Variants in MYO15A observed in about 807,000 individuals in gnomAD.
MYO15A encodes the protein unconventional myosin-XV.
MYO15A carries 308 observed loss-of-function variants against 394.6 expected under a neutral mutation model. The observed-to-expected ratio is 0.78, with a 90% CI of 0.71 to 0.86. The LOEUF is 0.86. Ranked by LOEUF, MYO15A falls within the 40% of genes least tolerant of loss-of-function variation. The pLI is 0.00. For missense variants in MYO15A, 4,606 were observed against 4,799.1 expected (o/e 0.96, Z 1.19); for synonymous variants, 1,957 against 2,003.8 (o/e 0.98, Z 0.62).
At chr17:18,142,009 T>A in intron 23 of MYO15A, 70 bp from the exon 24 acceptor site, 6 of 1,580,908 alleles carry the variant, frequency 3.8e-6, no homozygotes, top group Non-Finnish European at 5.2e-6. Flanking sequence ...CACGGACTTC[T>A]AGAGAGGGAG....
At chr17:18,137,829 T>C (rs188577179) in intron 16 of MYO15A, 150 bp downstream of exon 16, 1 of 997,814 alleles carries the variant, frequency 1.0e-6, no homozygotes, top group Non-Finnish European at 1.5e-6. Flanking sequence ...GACCAGCCCA[T>C]GGGAAGGCCT....
chr17:18,163,682 C>A (rs1567661854), intron 59 of MYO15A, 60 bp from the exon 60 acceptor site: 3 of 1,496,918 alleles, frequency 2.0e-6, no homozygotes, highest in East Asian at 4.8e-5. Context: ...CTGAGTGGGG[C>A]CAGAAGGACA....
intron 13 of MYO15A, among the ~76,000 whole-genome samples, chr17:18,136,170 A>C (rs2046266025): frequency 6.6e-6 from 1 of 152,040 alleles, no homozygotes; most frequent in South Asian, 2.1e-4. Flanking sequence ...CTCCCTTCCC[A>C]GGGTTGATCT....
At position 18,120,641 on chromosome 17, in the gene MYO15A, T is replaced by C. The variant is rs919824263; in HGVS notation, c.1841T>C (p.Leu614Pro). 3.8e-6 allele frequency: 6 copies of C among 1,594,554 alleles called. No individual in the cohort carries two copies. The highest frequency in any genetic ancestry group is 1.3e-5 in the African/African-American group (1 of 74,510). The part of the protein sequence containing the change: ...EAAYKRFGYK[L>P]AGMDPEKPGT... ...GCCTACAAACGCTTCGGCTACAAGC[T>C]GGCTGGCATGGACCCCGAGAAGCCC... The change falls in exon 2 of 66, where the codon CTG becomes CCG. Residue 614 changes from leucine to proline, a missense_variant. Physicochemically the swap from Leu to Pro is moderately conservative, Grantham distance 98. Transcript: ENST00000647165.
chr17:18,167,557 C>T (rs934145890), intron 61 of MYO15A, 33 bp from the exon 62 acceptor site: 13 of 1,599,940 alleles, frequency 8.1e-6, no homozygotes, highest in Non-Finnish European at 1.1e-5. Context: ...CGCGTGCCTG[C>T]CTGGCAGCCC....
chr17:18,150,630 T>C lies in MYO15A; in HGVS notation c.7328-68T>C. On this transcript the variant is annotated intron_variant, in intron 36 of 65. Coordinates refer to ENST00000647165, the MANE Select transcript of MYO15A (RefSeq NM_016239.4). The surrounding 1 kb of genome is among the most constrained non-coding windows in gnomAD (Gnocchi z 4.4). ...TAGAATGGAGGCAGCCACAGCATGA[T>C]GGGGGCTGAGAGGACAGGGAGGAGG... The C allele has an allele frequency of 6.2e-7, 1 of 1,606,576 alleles. No homozygotes were observed. The highest frequency in any genetic ancestry group is 1.1e-5 in the South Asian group (1 of 90,284).
intron 48 of MYO15A, 137 bp from the exon 49 acceptor site, chr17:18,156,817 T>G: frequency 1.3e-6 from 1 of 783,718 alleles, no homozygotes; most frequent in East Asian, 2.7e-5. Context: ...CCACCCAGAA[T>G]GCCCTTCCCT....
At chr17:18,154,273 C>A in intron 44 of MYO15A, 83 bp downstream of exon 44, 1 of 1,525,338 alleles carries the variant, frequency 6.6e-7, no homozygotes, top group Non-Finnish European at 9.1e-7. Flanking sequence ...CAAAGCCTGC[C>A]TCTGCATGTT....
intron 18 of MYO15A, 179 bp from the exon 19 acceptor site, chr17:18,139,355 G>A: frequency 2.8e-6 from 2 of 710,944 alleles, no homozygotes; most frequent in Non-Finnish European, 5.0e-6. Context: ...CACTGAGGGT[G>A]AGGCCAAGAC....
rs2046189402 is a variant in MYO15A, at chr17:18,132,639, G to A, written c.4320+73G>A. The A allele has an allele frequency of 7.9e-7, 1 of 1,268,416 alleles. No individual in the cohort carries two copies. Among genetic ancestry groups the A allele is most frequent in the East Asian group, 2.3e-5 (1 of 43,120 alleles). The allele number at this position is 1,268,416 out of a possible 1,614,324, so 78.6% of individuals were successfully genotyped here. ...CCCGACGCCCCTGGCTGGGCCTTGG[G>A]AGCCGAGTTGTGAGTGATGGAGTGT... is the stretch of plus-strand genomic sequence containing the variant. On this transcript the variant is annotated intron_variant, in intron 11 of 65. Coordinates refer to ENST00000647165, the MANE Select transcript of MYO15A (RefSeq NM_016239.4). This position sits in a 1 kb window ranked among gnomAD's most constrained non-coding sequence, Gnocchi z 4.6.
chr17:18,159,786 T>C, intron 55 of MYO15A, 107 bp downstream of exon 55: 1 of 1,477,504 alleles, frequency 6.8e-7, no homozygotes, highest in East Asian at 2.3e-5. Flanking sequence ...TCTCCCATGG[T>C]CCAAAGAGGA....
At chr17:18,141,554 A>T (rs1463554322) in intron 22 of MYO15A, 99 bp from the exon 23 acceptor site, 1 of 1,153,388 alleles carries the variant, frequency 8.7e-7, no homozygotes, top group Non-Finnish European at 1.3e-6. Context: ...CACTGGGACC[A>T]GGCTTTTTGG....
intron 25 of MYO15A, 27 bp downstream of exon 25, chr17:18,142,867 A>G (rs1391894395): frequency 1.9e-6 from 3 of 1,591,490 alleles, no homozygotes; most frequent in Non-Finnish European, 2.6e-6. Context: ...ATCTGGGTCC[A>G]AGGGGACAGC....
Position 18,140,786 on chromosome 17 carries a change from G to T in MYO15A, c.5361-1G>T, listed in dbSNP as rs369700898. ...TGCTGTCCTCTTCCTGCCACTGCCA[G>T]GTGCAACCCCTTGTTCATGCGTTGC... is the stretch of plus-strand genomic sequence containing the variant. On this transcript the variant is annotated splice_acceptor_variant, in intron 20 of 65. Coordinates refer to ENST00000647165, the MANE Select transcript of MYO15A (RefSeq NM_016239.4). LOFTEE classifies it high-confidence loss of function. 4.3e-6 allele frequency: 7 copies of T among 1,614,062 alleles called. No homozygotes were observed. Among genetic ancestry groups the T allele is most frequent in the Non-Finnish European group, 5.1e-6 (6 of 1,180,056 alleles).
chr17:18,163,452 A>G, intron 59 of MYO15A, 131 bp downstream of exon 59: 1 of 1,003,626 alleles, frequency 1.0e-6, no homozygotes, highest in South Asian at 1.3e-5. Flanking sequence ...CAGCCCCACA[A>G]GGCAGGACTT....
At position 18,143,637 on chromosome 17, in the gene MYO15A, TG is replaced by T; in HGVS notation, c.5964+20del. The T allele has an allele frequency of 6.4e-7, 1 of 1,567,582 alleles. No homozygotes were observed. Among genetic ancestry groups the T allele is most frequent in the Non-Finnish European group, 8.7e-7 (1 of 1,155,868 alleles). On this transcript the variant is annotated intron_variant, in intron 26 of 65. Transcript: ENST00000647165. The stretch of plus-strand genomic sequence containing the variant: ...AGCAGGAGGTGGGTGTGGGTCTGGG[TG>T]GCAGCAGGGCCAAGGAGGGAGGCTG...
In MYO15A at chr17:18,149,037, C is replaced by A. The variant is rs953686146; in HGVS notation, c.6956+85C>A. 1.3e-5 allele frequency: 19 copies of A among 1,515,046 alleles called. No homozygotes were observed. The African/African-American group carries it at 2.5e-4, about 20-fold the overall frequency. The allele number at this position is 1,515,046 out of a possible 1,614,324, so 93.9% of individuals were successfully genotyped here. Reference sequence around the variant, plus strand: ...TCCCAGGCAGAAGGCCTGCCCCTCCCAGCTGCTGGGACAGGCTGAGCCCTG... The same window carrying A: ...TCCCAGGCAGAAGGCCTGCCCCTCCAAGCTGCTGGGACAGGCTGAGCCCTG... On this transcript the variant is annotated intron_variant, in intron 33 of 65. Transcript: ENST00000647165.
intron 50 of MYO15A, 37 bp downstream of exon 50, chr17:18,157,267 C>T (rs1234371558): frequency 6.4e-7 from 1 of 1,569,366 alleles, no homozygotes; most frequent in Non-Finnish European, 8.6e-7. Flanking sequence ...ATACGGGGCG[C>T]ATCCTAGTTT....
In MYO15A at chr17:18,136,718, G is replaced by A. The variant is rs750099351; in HGVS notation, c.4779+32G>A. 1.9e-6 allele frequency: 3 copies of A among 1,566,564 alleles called. No homozygotes were observed. The South Asian group carries it at 3.4e-5, about 18-fold the overall frequency. ...CCGTGTAGGAGGCTGAGGGGCGGGG[G>A]ACATAGGCAAGGTCTCGCCTCCCTC... On this transcript the variant is annotated intron_variant, in intron 15 of 65. Coordinates refer to ENST00000647165, the MANE Select transcript of MYO15A (RefSeq NM_016239.4).
Sources: allele counts gnomAD v4.1 joint callset (sites outside exome capture counted in the v4.1 genomes callset), GRCh38; gene constraint gnomAD v4.1.1; non-coding constraint Gnocchi (gnomAD v3.1); transcripts MANE v1.5; gene names NCBI Gene and HGNC (gene_info 2026-07-23, HGNC 2026-07-21).